Variants in AKAP6 observed in about 807,000 individuals in gnomAD.
AKAP6 encodes A-kinase anchor protein 6.
AKAP6 carries 58 observed loss-of-function variants against 188.5 expected under a neutral mutation model. That is an observed-to-expected ratio of 0.31 (90% CI 0.25 to 0.38). The LOEUF is 0.38. Ranked by LOEUF, AKAP6 falls within the 10% of genes least tolerant of loss-of-function variation. The pLI is 1.00. For synonymous variants in AKAP6, 989 were observed against 998.6 expected (o/e 0.99, Z 0.18); for missense variants, 2,710 against 2,740.0 (o/e 0.99, Z 0.24).
At chr14:32,800,091 A>AAT (rs1230001779) in intron 12 of AKAP6, among the ~76,000 whole-genome samples, 1 of 145,596 alleles carries the variant, frequency 6.9e-6, no homozygotes, top group Non-Finnish European at 1.5e-5. Context: ...ATATATACAA[A>AAT]ATATATATAT....
At chr14:32,773,013 G>A (rs1366508529) in intron 11 of AKAP6, among the ~76,000 whole-genome samples, 3 of 152,142 alleles carry the variant, frequency 2.0e-5, no homozygotes, top group African/African-American at 4.8e-5. Context: ...TGCTATTTTG[G>A]TGCCGGCATG....
intron 7 of AKAP6, among the ~76,000 whole-genome samples, chr14:32,630,130 G>A (rs1887205681): frequency 6.6e-6 from 1 of 151,998 alleles, no homozygotes; most frequent in African/African-American, 2.4e-5. Flanking sequence ...GCCTCTTCTT[G>A]TTCCCATTAA....
At chr14:32,718,191 C>G in intron 9 of AKAP6, 1 of 689,848 alleles carries the variant, frequency 1.4e-6, no homozygotes, top group South Asian at 6.5e-5. Flanking sequence ...TTCTATGTAT[C>G]AATTTTTTAT....
At chr14:32,402,648 CT>C (rs1889135288) in intron 1 of AKAP6, among the ~76,000 whole-genome samples, 1 of 151,954 alleles carries the variant, frequency 6.6e-6, no homozygotes, top group Non-Finnish European at 1.5e-5. Context: ...TATATAATAT[CT>C]TTTCTTGTAT....
Position 32,732,574 on chromosome 14 carries a change from A to G in AKAP6, c.3121A>G (p.Ile1041Val), listed in dbSNP as rs371800701. 7.4e-6 allele frequency: 12 copies of G among 1,613,668 alleles called. No homozygotes were observed. Among genetic ancestry groups the G allele is most frequent in the Admixed American group, 3.3e-5 (2 of 59,938 alleles). Residue 1041 changes from isoleucine to valine, a missense_variant, in exon 10 of 14, where the codon ATT becomes GTT. By Grantham distance (29) the Ile-to-Val change is conservative. Transcript: ENST00000280979. The part of the protein sequence containing the change: ...PNDLLEKVDS[I>V]NEKWELLGKT... ...TGATCTCCTTGAAAAAGTGGATTCA[A>G]TTAATGAAAAATGGGAACTGCTTGG... is the stretch of plus-strand genomic sequence containing the variant.
At chr14:32,357,887 C>T (rs540509237) in intron 1 of AKAP6, among the ~76,000 whole-genome samples, 2 of 152,260 alleles carry the variant, frequency 1.3e-5, no homozygotes, top group South Asian at 2.1e-4. Context: ...GCTGCCTTAG[C>T]CAGGGGATGA....
intron 5 of AKAP6, among the ~76,000 whole-genome samples, chr14:32,582,521 C>T (rs1227523117): frequency 2.0e-5 from 3 of 151,792 alleles, no homozygotes; most frequent in Non-Finnish European, 4.4e-5. Flanking sequence ...CTCTGTATTT[C>T]CTGAATGTTG....
At chr14:32,444,779 A>G (rs965031108) in intron 2 of AKAP6, among the ~76,000 whole-genome samples, 1 of 152,156 alleles carries the variant, frequency 6.6e-6, no homozygotes, top group Non-Finnish European at 1.5e-5. Context: ...CCAAAAATGT[A>G]ATTTCTATTA....
At chr14:32,495,128 CAA>C (rs1466912514) in intron 2 of AKAP6, 2 of 152,184 alleles carry the variant, frequency 1.3e-5, no homozygotes, top group Non-Finnish European at 2.9e-5. Flanking sequence ...CAGTTCATAA[CAA>C]GTGTCTAGGC....
Position 32,545,654 on chromosome 14 carries a change from C to A in AKAP6, c.1001C>A (p.Thr334Lys), listed in dbSNP as rs1452923869. 1.2e-6 allele frequency: 2 copies of A among 1,614,172 alleles called. No homozygotes were observed. Among genetic ancestry groups the A allele is most frequent in the East Asian group, 2.2e-5 (1 of 44,872 alleles). ...GVSSSSGEAL[T>K]NAAQPSSETV... ...TCATCATCTTCAGGAGAAGCTCTGA[C>A]AAATGCTGCTCAACCCTCCTCTGAG... The change falls in exon 4 of 14, where the codon ACA becomes AAA. Residue 334 changes from threonine (T) to lysine (K), a missense_variant. This residue lies in a region of AKAP6 where 2,473 missense variants were observed against 2,426.1 expected (regional missense o/e 1.02). Transcript: ENST00000280979.
chr14:32,420,737 G>A (rs910745452), intron 1 of AKAP6, among the ~76,000 whole-genome samples: 1 of 152,064 alleles, frequency 6.6e-6, no homozygotes, highest in Non-Finnish European at 1.5e-5. Context: ...TGGACTGGAA[G>A]CCCTTCTTGC....
chr14:32,671,244 C>T (rs370931242), intron 7 of AKAP6, among the ~76,000 whole-genome samples: 24 of 152,100 alleles, frequency 1.6e-4, no homozygotes, highest in Non-Finnish European at 3.2e-4. Context: ...AGCAAATGCC[C>T]CGAGAGCACA....
chr14:32,753,573 C>T (rs974783161), intron 11 of AKAP6, among the ~76,000 whole-genome samples: 1 of 152,086 alleles, frequency 6.6e-6, no homozygotes, highest in East Asian at 1.9e-4. Context: ...GAGGTCATAT[C>T]CCAAAACTCG....
intron 2 of AKAP6, among the ~76,000 whole-genome samples, chr14:32,468,798 T>C (rs543152865): frequency 6.6e-6 from 1 of 152,280 alleles, no homozygotes; most frequent in South Asian, 2.1e-4. Flanking sequence ...ATTCCTCAAA[T>C]GTCCTGCGTT....
intron 12 of AKAP6, among the ~76,000 whole-genome samples, chr14:32,782,118 T>C (rs2033270347): frequency 1.5e-5 from 2 of 132,982 alleles, no homozygotes; most frequent in Non-Finnish European, 3.1e-5. Context: ...TGAGCCGAGA[T>C]CACGCCACTG....
chr14:32,649,609 C>T (rs918917778), intron 7 of AKAP6, among the ~76,000 whole-genome samples: 1 of 152,014 alleles, frequency 6.6e-6, no homozygotes, highest in Non-Finnish European at 1.5e-5. Flanking sequence ...TTCCTTACTG[C>T]AAATCTTATG....
rs1413764066 is a variant in AKAP6 at position 32,433,791 on chromosome 14, G to A, written c.298G>A (p.Val100Met). Residue 100 changes from valine (V) to methionine (M), a missense_variant, in exon 2 of 14, where the codon GTG becomes ATG. This residue lies in a region of AKAP6 where 237 missense variants were observed against 313.9 expected (regional missense o/e 0.76). Transcript: ENST00000280979. ...CCAGCAGGATTCGGACAGCAAGCATGTGGATGTACATCTAGTTCAACTAAA... is the reference window on the plus strand; with the variant it reads ...CCAGCAGGATTCGGACAGCAAGCATATGGATGTACATCTAGTTCAACTAAA... ...SVQQDSDSKH[V>M]DVHLVQLKDI... is the part of the protein sequence containing the mutation. 1 of 1,613,722 alleles carries A rather than the reference G, an allele frequency of 6.2e-7. No homozygotes were observed. Among genetic ancestry groups the A allele is most frequent in the East Asian group, 2.2e-5 (1 of 44,896 alleles).
chr14:32,582,894 A>AT (rs1296430265), intron 5 of AKAP6, among the ~76,000 whole-genome samples: 1 of 151,768 alleles, frequency 6.6e-6, no homozygotes, highest in East Asian at 1.9e-4. Context: ...ATTCGTCTAA[A>AT]TTTTTTTCAA....
chr14:32,372,548 A>T (rs1363278487), intron 1 of AKAP6, among the ~76,000 whole-genome samples: 2 of 132,304 alleles, frequency 1.5e-5, no homozygotes, highest in East Asian at 4.6e-4. Context: ...ATAGCAATAT[A>T]ATTCTTTAAG....
Sources: allele counts gnomAD v4.1 joint callset (sites outside exome capture counted in the v4.1 genomes callset), GRCh38; gene constraint gnomAD v4.1.1; regional missense constraint gnomAD v4.1.1; transcripts MANE v1.5; gene names NCBI Gene and HGNC (gene_info 2026-07-23, HGNC 2026-07-21).